Variants in GRIA4 observed in about 807,000 individuals in gnomAD.
The protein encoded by GRIA4 is glutamate ionotropic receptor AMPA type subunit 4.
GRIA4 carries 34 observed loss-of-function variants against 104.0 expected under a neutral mutation model. That is an observed-to-expected ratio of 0.33 (90% CI 0.25 to 0.44). The LOEUF (loss-of-function observed/expected upper bound fraction) is 0.44, where lower values mean the gene tolerates loss of function less well. GRIA4 is among the 20% of genes least tolerant of loss of function. The probability of loss-of-function intolerance (pLI) is 1.00; values close to 1 mark genes in which losing one functional copy is unlikely to be tolerated. For missense variants in GRIA4, 750 were observed against 1,096.5 expected (o/e 0.68, Z 4.46); for synonymous variants, 386 against 381.9 (o/e 1.01, Z -0.13).
intron 16 of GRIA4, among the ~76,000 whole-genome samples, chr11:105,976,111 T>C (rs1160939726): frequency 1.3e-5 from 2 of 152,018 alleles, no homozygotes; most frequent in Non-Finnish European, 2.9e-5. Context: ...AAACAATACT[T>C]GATTAGTTTT....
intron 5 of GRIA4, among the ~76,000 whole-genome samples, chr11:105,873,706 C>T (rs776607601): frequency 3.9e-5 from 6 of 152,134 alleles, no homozygotes; most frequent in African/African-American, 7.2e-5. Context: ...TTCTTGGCCA[C>T]AAAAATGTCT....
At chr11:105,901,907 C>T (rs1186840919) in intron 7 of GRIA4, among the ~76,000 whole-genome samples, 1 of 152,102 alleles carries the variant, frequency 6.6e-6, no homozygotes, top group East Asian at 1.9e-4. Flanking sequence ...CCCTTTGTGA[C>T]TTAGGCAAGA....
chr11:105,815,685 A>G (rs530798741), intron 4 of GRIA4, among the ~76,000 whole-genome samples: 2 of 152,168 alleles, frequency 1.3e-5, no homozygotes, highest in Non-Finnish European at 2.9e-5. Context: ...CAAAAAAAAA[A>G]ATGTGGATGA....
At chr11:105,954,543 A>G (rs1012905807) in intron 14 of GRIA4, among the ~76,000 whole-genome samples, 2 of 152,180 alleles carry the variant, frequency 1.3e-5, no homozygotes, top group African/African-American at 4.8e-5. Flanking sequence ...TCAATAATCA[A>G]CATTATGTAT....
chr11:105,777,852 A>T (rs1274559523), intron 4 of GRIA4, among the ~76,000 whole-genome samples: 1 of 152,150 alleles, frequency 6.6e-6, no homozygotes, highest in African/African-American at 2.4e-5. Flanking sequence ...TACAGCTAGC[A>T]CTCAGGGTTA....
rs1024262623 is a variant in GRIA4, at chr11:105,753,051, G to A, written c.318G>A (p.Leu106=). The change falls in exon 4 of 17, where the codon TTG becomes TTA. Residue 106 remains leucine, a synonymous_variant. Transcript: ENST00000282499. Reference sequence around the variant, plus strand: ...ATGATAAGAGGTCGGTACATACCTTGACCTCATTCTGCAGCGCCTTACATA... The same window carrying A: ...ATGATAAGAGGTCGGTACATACCTTAACCTCATTCTGCAGCGCCTTACATA... ...GLYDKRSVHT[L]TSFCSALHIS... is the part of the protein sequence containing the mutation. 1 of 1,613,664 alleles carries A rather than the reference G, an allele frequency of 6.2e-7. No individual in the cohort carries two copies. The highest frequency in any genetic ancestry group is 8.5e-7 in the Non-Finnish European group (1 of 1,179,742).
At chr11:105,670,326 T>A (rs1952319059) in intron 3 of GRIA4, among the ~76,000 whole-genome samples, 1 of 152,176 alleles carries the variant, frequency 6.6e-6, no homozygotes, top group South Asian at 2.1e-4. Context: ...GTCATACATT[T>A]GTAGAACACT....
chr11:105,764,182 G>A (rs753546882), intron 4 of GRIA4, among the ~76,000 whole-genome samples: 1 of 152,062 alleles, frequency 6.6e-6, no homozygotes, highest in African/African-American at 2.4e-5. Flanking sequence ...CTGTCACCAG[G>A]CTGGAATGCA....
chr11:105,798,115 T>C (rs1348177318), intron 4 of GRIA4, among the ~76,000 whole-genome samples: 1 of 151,648 alleles, frequency 6.6e-6, no homozygotes, highest in African/African-American at 2.4e-5. Flanking sequence ...CACACACACA[T>C]GCACAAGACA....
intron 14 of GRIA4, among the ~76,000 whole-genome samples, chr11:105,939,838 T>C (rs779545579): frequency 5.3e-5 from 8 of 152,156 alleles, no homozygotes; most frequent in Admixed American, 1.3e-4. Flanking sequence ...ATTCTCCAGA[T>C]TGACGTTCCT....
rs1200611859 is a variant in GRIA4, at chr11:105,794,469, G to GTATATATATATATA, written c.487+41252_487+41253insATATATATATATAT. Among the ~76,000 whole-genome samples, 155 of 40,720 alleles carry GTATATATATATATA rather than the reference G, an allele frequency of 3.8e-3. 37 individuals are homozygous for GTATATATATATATA. Among genetic ancestry groups the GTATATATATATATA allele is most frequent in the Non-Finnish European group, 5.8e-3 (117 of 20,316 alleles). The allele number at this position is 40,720 out of a possible 152,430, so 26.7% of individuals were successfully genotyped here. A position where few individuals can be genotyped will look rare whatever the true frequency, so the allele number is the denominator to read the frequency against. On this transcript the variant is annotated intron_variant, in intron 4 of 16. Coordinates refer to ENST00000282499, the MANE Select transcript of GRIA4 (RefSeq NM_000829.4). ...TGTGTGTGTCTGTGTGTGTGTATATGTATGTATATATATATATATATATAT... is the reference window on the plus strand; with the variant it reads ...TGTGTGTGTCTGTGTGTGTGTATATGTATATATATATATATATGTATATATATATATATATATAT...
chr11:105,745,625 C>G (rs972834488), intron 3 of GRIA4, among the ~76,000 whole-genome samples: 2 of 152,184 alleles, frequency 1.3e-5, no homozygotes, highest in Non-Finnish European at 2.9e-5. Context: ...ACAAAGTTGT[C>G]TCAAATGACT....
At chr11:105,718,382 C>A (rs116440874) in intron 3 of GRIA4, among the ~76,000 whole-genome samples, 2 of 152,100 alleles carry the variant, frequency 1.3e-5, no homozygotes, top group African/African-American at 4.8e-5. Context: ...AGGCTCCAGA[C>A]AAAGGTACCA....
At position 105,623,244 on chromosome 11, in the gene GRIA4, G is replaced by T. The variant is rs571034482; in HGVS notation, c.247+10810G>T. ...ATAGATACCCAGTAGTGGGATTGCTGGATCAAAGGGTAGTACTATTTTTAG... is the reference window on the plus strand; with the variant it reads ...ATAGATACCCAGTAGTGGGATTGCTTGATCAAAGGGTAGTACTATTTTTAG... On this transcript the variant is annotated intron_variant, in intron 3 of 16. Transcript: ENST00000282499. Among the ~76,000 whole-genome samples, 6 of 151,690 alleles carry T rather than the reference G, an allele frequency of 4.0e-5. No homozygotes were observed. In the East Asian group the frequency reaches 1.2e-3, roughly 29 times the overall value.
At chr11:105,919,805 C>T (rs1947510707) in intron 11 of GRIA4, among the ~76,000 whole-genome samples, 2 of 152,152 alleles carry the variant, frequency 1.3e-5, no homozygotes, top group Admixed American at 6.6e-5. Context: ...GTAACACATA[C>T]TCGAAATGTA....
chr11:105,627,842 C>T (rs553927189), intron 3 of GRIA4, among the ~76,000 whole-genome samples: 1 of 152,154 alleles, frequency 6.6e-6, no homozygotes, highest in South Asian at 2.1e-4. Context: ...ATATAGATGC[C>T]GATAGAACAC....
chr11:105,745,516 T>C (rs2135670384), intron 3 of GRIA4, among the ~76,000 whole-genome samples: 1 of 152,186 alleles, frequency 6.6e-6, no homozygotes, highest in East Asian at 1.9e-4. Flanking sequence ...CACCGACTAA[T>C]CCAGAAGAAG....
Position 105,753,154 on chromosome 11 carries a change from G to A in GRIA4, c.421G>A (p.Ala141Thr). Residue 141 changes from alanine (A) to threonine (T), a missense_variant, in exon 4 of 17, where the codon GCA (alanine) becomes ACA (threonine). Transcript: ENST00000282499. ...VLQLRPSLRGALLSLLDHYEW... is the reference protein window; with the variant it reads ...VLQLRPSLRGTLLSLLDHYEW... ...GCAACTAAGACCTTCGTTACGAGGA[G>A]CACTCTTGAGTTTGCTGGATCACTA... 1.9e-6 allele frequency: 3 copies of A among 1,613,600 alleles called. No individual in the cohort carries two copies. Among genetic ancestry groups the A allele is most frequent in the African/African-American group, 1.3e-5 (1 of 75,022 alleles).
At chr11:105,733,827 C>CT (rs34176099) in intron 3 of GRIA4, among the ~76,000 whole-genome samples, 1 of 150,282 alleles carries the variant, frequency 6.7e-6, no homozygotes, top group East Asian at 2.0e-4. Context: ...TTTTGAAACA[C>CT]TTTTTTTTTA....
Sources: allele counts gnomAD v4.1 joint callset (sites outside exome capture counted in the v4.1 genomes callset), GRCh38; gene constraint gnomAD v4.1.1; transcripts MANE v1.5; gene names NCBI Gene and HGNC (gene_info 2026-07-23, HGNC 2026-07-21).